The following ANO2 variants were observed in gnomAD, a reference collection of about 807,000 sequenced individuals.
ANO2 encodes the protein anoctamin 2.
In ANO2, 101 loss-of-function variants were observed where a neutral mutation model predicts 124.2. That is an observed-to-expected ratio of 0.81 (90% confidence interval 0.69 to 0.96). The LOEUF (loss-of-function observed/expected upper bound fraction) is 0.96. Among genes scored for constraint, ANO2 ranks in the 40% least tolerant of loss-of-function variants. The pLI is 0.00. For missense variants in ANO2, 1,293 were observed against 1,274.5 expected, an observed-to-expected ratio of 1.01 and a Z score of -0.22; for synonymous variants, 486 against 482.5, an observed-to-expected ratio of 1.01 and a Z score of -0.09.
Position 5,923,266 on chromosome 12 carries a change from ACACACACACACACG to A in ANO2, c.23-476_23-463del, listed in dbSNP as rs1190347128. 4.5e-5 allele frequency among the ~76,000 whole-genome samples: 5 copies of A among 111,412 alleles called. No homozygotes were observed. The South Asian group carries it at 6.5e-4, about 15-fold the overall frequency. The allele number at this position is 111,412 out of a possible 152,430, so 73.1% of individuals were successfully genotyped here. ...CACGCATACACACACATACACACAC[ACACACACACACACG>A]CACACACACAGCGTGGAGCCACCAG... is the stretch of plus-strand genomic sequence containing the variant. On this transcript the variant is annotated intron_variant, in intron 1 of 24. Transcript: ENST00000682330.
chr12:5,798,240 G>C (rs906325531), intron 10 of ANO2, among the ~76,000 whole-genome samples: 7 of 151,882 alleles, frequency 4.6e-5, no homozygotes, highest in African/African-American at 1.7e-4. Flanking sequence ...GGGGACGGGA[G>C]ACAGGGTGAA....
intron 20 of ANO2, among the ~76,000 whole-genome samples, chr12:5,590,325 C>G (rs1245600878): frequency 6.6e-6 from 1 of 152,192 alleles, no homozygotes; most frequent in African/African-American, 2.4e-5. Context: ...GACACCCCAG[C>G]TCTAGAGGAA....
chr12:5,746,864 TA>T (rs1014508837), intron 11 of ANO2, among the ~76,000 whole-genome samples: 1 of 152,218 alleles, frequency 6.6e-6, no homozygotes, highest in African/African-American at 2.4e-5. Flanking sequence ...ATCAGCTTTT[TA>T]AAAAATGTCC....
intron 3 of ANO2, among the ~76,000 whole-genome samples, chr12:5,896,933 G>A (rs1204710842): frequency 3.3e-5 from 5 of 152,056 alleles, no homozygotes; most frequent in Non-Finnish European, 5.9e-5. Flanking sequence ...AATTCTAATT[G>A]GAAATATAAA....
At chr12:5,773,551 G>A (rs775708486) in intron 10 of ANO2, among the ~76,000 whole-genome samples, 1 of 152,190 alleles carries the variant, frequency 6.6e-6, no homozygotes, top group Non-Finnish European at 1.5e-5. Flanking sequence ...AGAAATGTTA[G>A]CTACCATCAT....
At chr12:5,854,437 TG>T (rs1390546869) in intron 3 of ANO2, among the ~76,000 whole-genome samples, 1 of 150,782 alleles carries the variant, frequency 6.6e-6, no homozygotes. Context: ...AAAACAATTT[TG>T]GTCACAGATT....
chr12:5,609,741 T>C (rs889017011), intron 19 of ANO2, among the ~76,000 whole-genome samples: 1 of 151,880 alleles, frequency 6.6e-6, no homozygotes, highest in Non-Finnish European at 1.5e-5. Flanking sequence ...ACCAGGTCCC[T>C]GACACACCCC....
chr12:5,597,808 G>T (rs1409187803), intron 20 of ANO2, among the ~76,000 whole-genome samples: 2 of 152,204 alleles, frequency 1.3e-5, no homozygotes, highest in African/African-American at 4.8e-5. Context: ...ATGTAGAATG[G>T]CGTCTGAAAT....
intron 16 of ANO2, among the ~76,000 whole-genome samples, chr12:5,620,746 G>A (rs574085089): frequency 1.1e-4 from 16 of 152,068 alleles, no homozygotes; most frequent in African/African-American, 3.9e-4. Flanking sequence ...CTGCCTGGGT[G>A]GGTATGGCCC....
intron 3 of ANO2, among the ~76,000 whole-genome samples, chr12:5,919,896 A>G (rs1196363521): frequency 1.3e-5 from 2 of 152,142 alleles, no homozygotes; most frequent in East Asian, 1.9e-4. Flanking sequence ...ACAGGGTTTC[A>G]CCATGTTAGC....
At chr12:5,705,991 C>G (rs1309405896) in intron 14 of ANO2, among the ~76,000 whole-genome samples, 1 of 152,140 alleles carries the variant, frequency 6.6e-6, no homozygotes, top group African/African-American at 2.4e-5. Flanking sequence ...GGTTCAAGCT[C>G]TTTCTAGGTT....
chr12:5,706,217 C>A (rs1351312425), intron 14 of ANO2, among the ~76,000 whole-genome samples: 2 of 152,204 alleles, frequency 1.3e-5, no homozygotes, highest in Non-Finnish European at 2.9e-5. Context: ...CAAATACAAT[C>A]ACTTATGTTT....
intron 10 of ANO2, among the ~76,000 whole-genome samples, chr12:5,752,497 G>T (rs555270869): frequency 1.3e-5 from 2 of 152,268 alleles, no homozygotes; most frequent in African/African-American, 4.8e-5. Flanking sequence ...TTGGTCATTT[G>T]TATGTCTTCT....
intron 17 of ANO2, among the ~76,000 whole-genome samples, chr12:5,614,350 A>G (rs1461533798): frequency 1.3e-5 from 2 of 152,170 alleles, no homozygotes; most frequent in Non-Finnish European, 2.9e-5. Context: ...GGATGGGGGC[A>G]GGCCATGCCA....
chr12:5,746,747 C>A (rs186043812), intron 11 of ANO2, among the ~76,000 whole-genome samples: 1 of 152,118 alleles, frequency 6.6e-6, no homozygotes, highest in Non-Finnish European at 1.5e-5. Context: ...GTTAGCACAA[C>A]GGGAGAAGGT....
intron 7 of ANO2, among the ~76,000 whole-genome samples, chr12:5,819,957 G>A (rs1195875255): frequency 1.3e-5 from 2 of 152,086 alleles, no homozygotes; most frequent in Admixed American, 6.5e-5. Context: ...TCTGGCATTG[G>A]CTTATTAATC....
chr12:5,869,983 C>G (rs538863059), intron 3 of ANO2, among the ~76,000 whole-genome samples: 1 of 152,260 alleles, frequency 6.6e-6, no homozygotes, highest in East Asian at 1.9e-4. Flanking sequence ...AGGCAGGAGC[C>G]CTCCCCACAC....
chr12:5,677,328 C>T (rs913282510), intron 14 of ANO2, among the ~76,000 whole-genome samples: 2 of 152,130 alleles, frequency 1.3e-5, no homozygotes, highest in Non-Finnish European at 2.9e-5. Context: ...AGAATATAAG[C>T]AAGAAATTAT....
intron 3 of ANO2, among the ~76,000 whole-genome samples, chr12:5,915,439 G>C (rs1383196199): frequency 6.6e-6 from 1 of 150,568 alleles, no homozygotes; most frequent in Non-Finnish European, 1.5e-5. Flanking sequence ...TATCAAGGAG[G>C]GTGGGAAGTG....
Sources: allele counts gnomAD v4.1 joint callset (sites outside exome capture counted in the v4.1 genomes callset), GRCh38; gene constraint gnomAD v4.1.1; transcripts MANE v1.5; gene names NCBI Gene and HGNC (gene_info 2026-07-23, HGNC 2026-07-21).